Variants in ZC3H11A observed in about 807,000 individuals in gnomAD.
ZC3H11A encodes the protein zinc finger CCCH-type containing 11A.
ZC3H11A carries 22 observed loss-of-function variants against 90.8 expected under a neutral mutation model. The ratio of observed to expected loss-of-function variants is 0.24; its 90% CI spans 0.17 to 0.35. The LOEUF is 0.35. Among genes scored for constraint, ZC3H11A ranks in the 10% least tolerant of loss-of-function variants. The pLI is 1.00. For synonymous variants in ZC3H11A, 294 were observed against 339.8 expected, an observed-to-expected ratio of 0.87 and a Z score of 1.48; for missense variants, 701 against 964.9, an observed-to-expected ratio of 0.73 and a Z score of 3.62.
chr1:203,819,887 T>C (rs914627491), intron 4 of ZC3H11A, among the ~76,000 whole-genome samples: 41 of 151,996 alleles, frequency 2.7e-4, no homozygotes, highest in African/African-American at 9.6e-4. Context: ...CATCGTTTAA[T>C]CCTTTGATCT....
At chr1:203,799,758 T>C in intron 1 of ZC3H11A, 1 of 873,428 alleles carries the variant, frequency 1.1e-6, no homozygotes, top group South Asian at 1.4e-5. Flanking sequence ...GGATAGTTTA[T>C]CTCTGAAACT....
At chr1:203,844,155 C>CTTTATTT (rs1687250482) in intron 12 of ZC3H11A, among the ~76,000 whole-genome samples, 1 of 151,854 alleles carries the variant, frequency 6.6e-6, no homozygotes, top group African/African-American at 2.4e-5. Flanking sequence ...CTGTGCCCGC[C>CTTTATTT]TTTATTTTTT....
chr1:203,848,495 CTTCA>C, intron 14 of ZC3H11A, 88 bp downstream of exon 14: 4 of 933,512 alleles, frequency 4.3e-6, no homozygotes, highest in Non-Finnish European at 6.6e-6. Flanking sequence ...TTTCTAAGTA[CTTCA>C]TTCATATATT....
intron 15 of ZC3H11A, 86 bp downstream of exon 15, chr1:203,850,112 A>G (rs561607223): frequency 3.3e-6 from 4 of 1,222,598 alleles, no homozygotes; most frequent in South Asian, 2.9e-5. Context: ...CCTGGCAACA[A>G]TTGGGTTGAA....
chr1:203,810,777 C>T (rs12562014), intron 2 of ZC3H11A, among the ~76,000 whole-genome samples: 12,036 of 151,948 alleles, frequency 0.079, 1,271 homozygotes, highest in East Asian at 0.4. Context: ...GGAGTGTTAT[C>T]TACTCAGGAT....
At chr1:203,799,314 G>A (rs757687070) in intron 1 of ZC3H11A, 12 of 710,308 alleles carry the variant, frequency 1.7e-5, no homozygotes, top group South Asian at 8.9e-5. Context: ...CTTTTTCTGC[G>A]AGCACAAAAG....
Position 203,842,452 on chromosome 1 carries a change from G to A in ZC3H11A, c.1042+2078G>A, listed in dbSNP as rs12077910. Among the ~76,000 whole-genome samples, 668 of 152,200 alleles carry A rather than the reference G, an allele frequency of 4.4e-3. 6 individuals are homozygous for A. Among genetic ancestry groups the A allele is most frequent in the African/African-American group, 0.015 (631 of 41,522 alleles). On this transcript the variant is annotated intron_variant, in intron 12 of 17. Coordinates refer to ENST00000367210, the MANE Select transcript of ZC3H11A (RefSeq NM_001376342.1). Reference sequence around the variant, plus strand: ...TCTCCACCAAAACATGCAAACACCAGTCAAGTGTGGCGGCGCGCGCCTGCA... The same window carrying A: ...TCTCCACCAAAACATGCAAACACCAATCAAGTGTGGCGGCGCGCGCCTGCA...
At chr1:203,816,302 A>G (rs1287769692) in intron 2 of ZC3H11A, among the ~76,000 whole-genome samples, 2 of 152,202 alleles carry the variant, frequency 1.3e-5, no homozygotes, top group Non-Finnish European at 2.9e-5. Flanking sequence ...GCAAAAATAC[A>G]TATATACATA....
chr1:203,806,084 G>T (rs988872479), intron 2 of ZC3H11A: 12 of 505,346 alleles, frequency 2.4e-5, no homozygotes, highest in South Asian at 1.7e-4. Flanking sequence ...AAGGCTTTCT[G>T]CGTAATCATA....
chr1:203,847,134 T>G, intron 12 of ZC3H11A, 50 bp from the exon 13 acceptor site: 2 of 1,593,988 alleles, frequency 1.3e-6, no homozygotes, highest in Non-Finnish European at 8.5e-7. Flanking sequence ...CATAAGTCAG[T>G]AAGAGATGAA....
chr1:203,836,554 C>G (rs1396039925), intron 10 of ZC3H11A, among the ~76,000 whole-genome samples: 1 of 152,134 alleles, frequency 6.6e-6, no homozygotes, highest in Non-Finnish European at 1.5e-5. Context: ...TCGAGACCGG[C>G]CTGATCAACA....
intron 16 of ZC3H11A, 123 bp downstream of exon 16, chr1:203,850,804 AT>A: frequency 7.2e-7 from 1 of 1,382,930 alleles, no homozygotes; most frequent in Non-Finnish European, 9.8e-7. Flanking sequence ...CATTTTAGTA[AT>A]TTGGGTTACT....
intron 4 of ZC3H11A, among the ~76,000 whole-genome samples, chr1:203,819,230 T>C (rs1159209437): frequency 1.3e-5 from 2 of 150,838 alleles, no homozygotes; most frequent in Non-Finnish European, 3.0e-5. Flanking sequence ...CTTTTTATTT[T>C]TTTTTTTTTG....
At chr1:203,799,789 G>A in intron 1 of ZC3H11A, 3 of 1,130,074 alleles carry the variant, frequency 2.7e-6, no homozygotes, top group East Asian at 5.1e-5. Context: ...ACCCTACTAA[G>A]TGCCATGCTT....
chr1:203,840,605 ATTATTTAT>A (rs534962124), intron 12 of ZC3H11A, among the ~76,000 whole-genome samples: 56 of 147,694 alleles, frequency 3.8e-4, no homozygotes, highest in East Asian at 1.4e-3. Context: ...ATAGTAGGAA[ATTATTTAT>A]TTATTTATTT....
chr1:203,799,936 C>G lies in ZC3H11A; in HGVS notation c.-1587-1639C>G, dbSNP rs556382162. ...GAAGAGGTCTGTAATTATATGGAAT[C>G]TTCACCAGAGATCTGCCAAATTCCA... is the stretch of plus-strand genomic sequence containing the variant. On this transcript the variant is annotated intron_variant, in intron 1 of 17. Transcript: ENST00000367210. The G allele has an allele frequency of 5.9e-6, 9 of 1,536,124 alleles. No homozygotes were observed. The African/African-American group carries it at 1.2e-4, about 21-fold the overall frequency.
chr1:203,820,911 TAATA>T (rs1342212953), intron 4 of ZC3H11A, among the ~76,000 whole-genome samples: 3 of 152,206 alleles, frequency 2.0e-5, no homozygotes, highest in Non-Finnish European at 4.4e-5. Context: ...TTTTTGTAAT[TAATA>T]AATATTTTGT....
At chr1:203,822,345 A>G (rs1679060853) in intron 4 of ZC3H11A, among the ~76,000 whole-genome samples, 1 of 151,934 alleles carries the variant, frequency 6.6e-6, no homozygotes, top group Non-Finnish European at 1.5e-5. Flanking sequence ...TTTCAACTCT[A>G]GTACTCTGTG....
At chr1:203,800,391 A>G (rs1410163698) in intron 1 of ZC3H11A, 1 of 1,041,564 alleles carries the variant, frequency 9.6e-7, no homozygotes, top group Non-Finnish European at 1.4e-6. Flanking sequence ...CGATTATTCT[A>G]CGTTGGTTCT....
Sources: allele counts gnomAD v4.1 joint callset (sites outside exome capture counted in the v4.1 genomes callset), GRCh38; gene constraint gnomAD v4.1.1; transcripts MANE v1.5; gene names NCBI Gene and HGNC (gene_info 2026-07-23, HGNC 2026-07-21).